SPIDR: variants seen among roughly 807,000 people sequenced by gnomAD.
SPIDR encodes the protein DNA repair-scaffolding protein.
In SPIDR, 93 loss-of-function variants were observed where a neutral mutation model predicts 104.6. The ratio of observed to expected loss-of-function variants is 0.89; its 90% confidence interval spans 0.75 to 1.06. The LOEUF is 1.06. Among genes scored for constraint, SPIDR ranks in the 50% least tolerant of loss-of-function variants. The pLI, the probability that SPIDR is intolerant of heterozygous loss-of-function variation, is 0.00. For synonymous variants in SPIDR, 431 were observed against 416.9 expected (o/e 1.03, Z -0.41); for missense variants, 1,154 against 1,111.2 (o/e 1.04, Z -0.55).
At chr8:47,434,164 C>T (rs578130026) in intron 7 of SPIDR, among the ~76,000 whole-genome samples, 1 of 152,284 alleles carries the variant, frequency 6.6e-6, no homozygotes, top group African/African-American at 2.4e-5. Context: ...GAATTATTAT[C>T]ATCACAGCTG....
At chr8:47,348,250 T>G (rs762334540) in intron 5 of SPIDR, among the ~76,000 whole-genome samples, 100 of 152,218 alleles carry the variant, frequency 6.6e-4, no homozygotes, top group Non-Finnish European at 1.1e-3. Context: ...GAAAATTCTT[T>G]TCTTTAAGAA....
chr8:47,300,671 GA>G (rs1448266663), intron 5 of SPIDR, among the ~76,000 whole-genome samples: 1 of 152,188 alleles, frequency 6.6e-6, no homozygotes, highest in East Asian at 1.9e-4. Context: ...TGGTTTCCAA[GA>G]ACATCTTTAT....
intron 8 of SPIDR, among the ~76,000 whole-genome samples, chr8:47,446,672 C>T (rs906187193): frequency 2.6e-5 from 4 of 151,602 alleles, no homozygotes; most frequent in Non-Finnish European, 4.4e-5. Flanking sequence ...CTGCAACCTC[C>T]GCCTCCCAGG....
Position 47,400,677 on chromosome 8 carries a change from C to CT in SPIDR, c.776+4068dup, listed in dbSNP as rs35140121. Among the ~76,000 whole-genome samples the CT allele has an allele frequency of 3.3e-3, 467 of 139,550 alleles. 2 individuals carry two copies. Among genetic ancestry groups the CT allele is most frequent in the African/African-American group, 0.01 (386 of 37,196 alleles). 91.6% of individuals were successfully genotyped at this position (139,550 alleles called of 152,430 possible). A position where few individuals can be genotyped will look rare whatever the true frequency, so the allele number is the denominator to read the frequency against. On this transcript the variant is annotated intron_variant, in intron 6 of 19. Coordinates refer to ENST00000297423, the MANE Select transcript of SPIDR (RefSeq NM_001080394.4). ...TCTTTGGACTTCTTTTTCTTTCTTT[C>CT]TTTTTTTTTTTTTTTTTAAATTTGT...
intron 1 of SPIDR, among the ~76,000 whole-genome samples, chr8:47,278,096 C>CTTTTTTT: frequency 7.3e-6 from 1 of 137,242 alleles, no homozygotes; most frequent in Non-Finnish European, 1.6e-5. Context: ...TTTTCTTTCT[C>CTTTTTTT]TTTTTTTTTT....
chr8:47,728,169 G>A (rs912927942), intron 17 of SPIDR, among the ~76,000 whole-genome samples: 3 of 151,564 alleles, frequency 2.0e-5, no homozygotes, highest in Admixed American at 6.6e-5. Context: ...AGTGTCTCAC[G>A]CCTGTAATCC....
At chr8:47,370,549 C>T (rs943229562) in intron 5 of SPIDR, among the ~76,000 whole-genome samples, 3 of 147,578 alleles carry the variant, frequency 2.0e-5, no homozygotes, top group East Asian at 2.0e-4. Context: ...TGGGTTCAAG[C>T]GATTCTCCTG....
At chr8:47,533,279 A>G (rs993681983) in intron 8 of SPIDR, among the ~76,000 whole-genome samples, 6 of 152,160 alleles carry the variant, frequency 3.9e-5, no homozygotes, top group African/African-American at 1.2e-4. Flanking sequence ...CTCAACTCAA[A>G]GTGGATTAAA....
At chr8:47,274,734 C>T (rs1341543829) in intron 1 of SPIDR, among the ~76,000 whole-genome samples, 1 of 151,678 alleles carries the variant, frequency 6.6e-6, no homozygotes, top group South Asian at 2.1e-4. Flanking sequence ...CGCGACCACA[C>T]CCGGCTAATT....
chr8:47,457,927 T>C (rs1474158386), intron 8 of SPIDR, among the ~76,000 whole-genome samples: 7 of 152,196 alleles, frequency 4.6e-5, no homozygotes, highest in African/African-American at 9.7e-5. Context: ...ATTTCTGGGT[T>C]CTCTATTCTG....
intron 5 of SPIDR, among the ~76,000 whole-genome samples, chr8:47,386,463 G>C (rs2154303793): frequency 6.6e-6 from 1 of 152,220 alleles, no homozygotes; most frequent in South Asian, 2.1e-4. Context: ...GTTGCTTTGA[G>C]ATTCACTGAG....
chr8:47,325,279 A>G (rs533192927), intron 5 of SPIDR, among the ~76,000 whole-genome samples: 114 of 152,320 alleles, frequency 7.5e-4, no homozygotes, highest in South Asian at 3.7e-3. Flanking sequence ...AAGAGAACAC[A>G]AGGTTGGTTG....
intron 5 of SPIDR, among the ~76,000 whole-genome samples, chr8:47,329,985 C>T (rs999748659): frequency 2.6e-5 from 4 of 152,162 alleles, no homozygotes; most frequent in Non-Finnish European, 5.9e-5. Flanking sequence ...CAAATACGCA[C>T]ATATGCTGAG....
At chr8:47,261,719 T>C (rs1420049261) in intron 1 of SPIDR, among the ~76,000 whole-genome samples, 2 of 152,162 alleles carry the variant, frequency 1.3e-5, no homozygotes, top group African/African-American at 4.8e-5. Flanking sequence ...CTGGAAAAAA[T>C]AGACCACATA....
At chr8:47,562,221 G>T (rs780658146) in intron 8 of SPIDR, among the ~76,000 whole-genome samples, 4 of 152,176 alleles carry the variant, frequency 2.6e-5, no homozygotes, top group Non-Finnish European at 5.9e-5. Context: ...GATGGTATTT[G>T]TGACCATCTT....
At chr8:47,442,033 A>G (rs781842603) in intron 8 of SPIDR, among the ~76,000 whole-genome samples, 6 of 152,132 alleles carry the variant, frequency 3.9e-5, no homozygotes, top group Non-Finnish European at 7.4e-5. Flanking sequence ...CAGTTACTAT[A>G]GTTTTATATG....
intron 6 of SPIDR, among the ~76,000 whole-genome samples, chr8:47,399,701 C>T (rs1217957789): frequency 1.3e-5 from 2 of 152,118 alleles, no homozygotes; most frequent in African/African-American, 4.8e-5. Flanking sequence ...GGTCCAGGGG[C>T]ACACTAAAAG....
chr8:47,474,010 C>T (rs535470939), intron 8 of SPIDR, among the ~76,000 whole-genome samples: 17 of 152,202 alleles, frequency 1.1e-4, no homozygotes, highest in African/African-American at 3.9e-4. Context: ...AAATTGGTGC[C>T]AAGCAGACAA....
intron 8 of SPIDR, among the ~76,000 whole-genome samples, chr8:47,491,967 GA>G (rs1554740117): frequency 6.6e-6 from 1 of 152,202 alleles, no homozygotes; most frequent in African/African-American, 2.4e-5. Flanking sequence ...CCAGGCCCCA[GA>G]AGGCCAGGCA....
Sources: gnomAD v4.1 joint callset for allele counts (sites outside exome capture counted in the v4.1 genomes callset) on GRCh38, gnomAD v4.1.1 for gene constraint, MANE v1.5 for transcripts, NCBI Gene and HGNC (gene_info 2026-07-23, HGNC 2026-07-21) for gene names.